The following FANCC variants were observed in gnomAD, a reference collection of about 807,000 sequenced individuals.
The protein encoded by FANCC is FA complementation group C.
A neutral mutation model predicts 71.3 loss-of-function variants in FANCC; 55 were observed. The observed-to-expected ratio is 0.77, with a 90% CI of 0.62 to 0.97. The LOEUF (loss-of-function observed/expected upper bound fraction) is 0.97, where lower values mean the gene tolerates loss of function less well. FANCC is among the 50% of genes least tolerant of loss of function. The pLI is 0.00. For synonymous variants in FANCC, 275 were observed against 244.9 expected, an observed-to-expected ratio of 1.12 and a Z score of -1.15; for missense variants, 678 against 670.9, an observed-to-expected ratio of 1.01 and a Z score of -0.12.
intron 4 of FANCC, among the ~76,000 whole-genome samples, chr9:95,228,228 C>A (rs745422277): frequency 6.6e-6 from 1 of 152,156 alleles, no homozygotes; most frequent in South Asian, 2.1e-4. Flanking sequence ...CAGGGGCATG[C>A]GGAGCATGAC....
At chr9:95,274,851 G>A (rs1347336211) in intron 1 of FANCC, among the ~76,000 whole-genome samples, 2 of 152,194 alleles carry the variant, frequency 1.3e-5, no homozygotes, top group Non-Finnish European at 2.9e-5. Context: ...GAAGGGAAAG[G>A]AGGAAAGGGA....
intron 4 of FANCC, among the ~76,000 whole-genome samples, chr9:95,234,064 C>G (rs1426220956): frequency 6.6e-6 from 1 of 152,162 alleles, no homozygotes; most frequent in East Asian, 1.9e-4. Flanking sequence ...AGATGGACAC[C>G]TGGCTTCAAA....
At chr9:95,136,291 TGGGA>T (rs1827687268) in intron 7 of FANCC, among the ~76,000 whole-genome samples, 1 of 151,946 alleles carries the variant, frequency 6.6e-6, no homozygotes, top group African/African-American at 2.4e-5. Context: ...CCCAGCTACT[TGGGA>T]GGCTGAGGCA....
intron 1 of FANCC, chr9:95,293,991 G>A: frequency 1.3e-6 from 2 of 1,590,948 alleles, no homozygotes; most frequent in Non-Finnish European, 8.6e-7. Context: ...CTCAGAATGA[G>A]CCTAAGACTT....
At chr9:95,247,309 T>C in intron 3 of FANCC, 123 bp downstream of exon 3, 1 of 749,304 alleles carries the variant, frequency 1.3e-6, no homozygotes, top group South Asian at 1.5e-5. Flanking sequence ...GAACAATGAA[T>C]ACATTTGATA....
chr9:95,281,205 C>T (rs1391330485), intron 1 of FANCC, among the ~76,000 whole-genome samples: 2 of 151,960 alleles, frequency 1.3e-5, no homozygotes, highest in Non-Finnish European at 1.5e-5. Flanking sequence ...CAAGGGCAAC[C>T]AGTCAGATTT....
At chr9:95,147,080 A>G (rs2135392704) in intron 7 of FANCC, among the ~76,000 whole-genome samples, 1 of 150,846 alleles carries the variant, frequency 6.6e-6, no homozygotes, top group African/African-American at 2.4e-5. Context: ...TATATTTTAG[A>G]TTATTATTTT....
At chr9:95,294,846 A>G in intron 1 of FANCC, 1 of 1,492,914 alleles carries the variant, frequency 6.7e-7, no homozygotes, top group Non-Finnish European at 8.9e-7. Flanking sequence ...GACGGCATCT[A>G]CCATTTCCTC....
At chr9:95,234,091 G>A (rs998776052) in intron 4 of FANCC, among the ~76,000 whole-genome samples, 8 of 152,224 alleles carry the variant, frequency 5.3e-5, no homozygotes, top group Non-Finnish European at 7.3e-5. Flanking sequence ...CTGCAAAGAA[G>A]TCAGAGATTA....
chr9:95,262,549 C>T (rs1006000526), intron 1 of FANCC, among the ~76,000 whole-genome samples: 6 of 152,104 alleles, frequency 3.9e-5, no homozygotes, highest in South Asian at 2.1e-4. Flanking sequence ...GCAGCTGCTA[C>T]GAAAAACAGT....
At chr9:95,277,225 T>A (rs1023709643) in intron 1 of FANCC, among the ~76,000 whole-genome samples, 1 of 152,260 alleles carries the variant, frequency 6.6e-6, no homozygotes, top group Admixed American at 6.5e-5. Context: ...ATTGAAAATC[T>A]GTCAGATTTG....
intron 4 of FANCC, among the ~76,000 whole-genome samples, chr9:95,234,927 CCTT>C (rs1465411317): frequency 8.5e-5 from 13 of 152,280 alleles, no homozygotes; most frequent in African/African-American, 3.1e-4. Flanking sequence ...GGAGCATCAG[CCTT>C]CTTTTCTAGT....
At chr9:95,137,105 G>A (rs1294300562) in intron 7 of FANCC, among the ~76,000 whole-genome samples, 1 of 152,300 alleles carries the variant, frequency 6.6e-6, no homozygotes, top group East Asian at 1.9e-4. Flanking sequence ...AAGTGGGGGC[G>A]TAAGCCTCCC....
At chr9:95,166,584 T>C (rs537295515) in intron 6 of FANCC, among the ~76,000 whole-genome samples, 1 of 152,318 alleles carries the variant, frequency 6.6e-6, no homozygotes, top group East Asian at 1.9e-4. Flanking sequence ...TTTACACTTT[T>C]ATCTTTTAAG....
intron 1 of FANCC, among the ~76,000 whole-genome samples, chr9:95,262,251 T>TCA (rs1479067128): frequency 6.6e-6 from 1 of 152,078 alleles, no homozygotes; most frequent in African/African-American, 2.4e-5. Flanking sequence ...TTCAAAAACT[T>TCA]CATGGAAAAT....
intron 1 of FANCC, among the ~76,000 whole-genome samples, chr9:95,291,128 G>C (rs191200669): frequency 2.8e-4 from 42 of 152,186 alleles, no homozygotes; most frequent in African/African-American, 7.9e-4. Context: ...ATACCGACTG[G>C]GGAAAAGTTA....
rs1228873579 is a variant in FANCC at position 95,117,357 on chromosome 9, T to C, written c.1030A>G (p.Thr344Ala). The C allele has an allele frequency of 1.9e-6, 3 of 1,613,778 alleles. No homozygotes were observed. Among genetic ancestry groups the C allele is most frequent in the Non-Finnish European group, 2.5e-6 (3 of 1,179,984 alleles). The change falls in exon 11 of 15, where the codon ACT becomes GCT. Residue 344 changes from threonine (T) to alanine (A), a missense_variant. Transcript: ENST00000289081. ...RFALKTYFPYTSPSLAMVLLQ... is the reference protein window; with the variant it reads ...RFALKTYFPYASPSLAMVLLQ... ...AGCACCATGGCAAGAGATGGAGAAG[T>C]GTAAGGAAAGTAGGTCTTGAGTGCA...
intron 10 of FANCC, among the ~76,000 whole-genome samples, chr9:95,119,463 T>G (rs2072699891): frequency 6.6e-6 from 1 of 151,548 alleles, no homozygotes. Flanking sequence ...CCTCCCAGGT[T>G]CAAGCGATTC....
intron 1 of FANCC, among the ~76,000 whole-genome samples, chr9:95,254,290 G>A (rs1266637559): frequency 1.3e-5 from 2 of 152,258 alleles, no homozygotes; most frequent in African/African-American, 2.4e-5. Context: ...AGGCTGGCAA[G>A]ATGGCCGAAT....
Sources: allele counts gnomAD v4.1 joint callset (sites outside exome capture counted in the v4.1 genomes callset), GRCh38; gene constraint gnomAD v4.1.1; transcripts MANE v1.5; gene names NCBI Gene and HGNC (gene_info 2026-07-23, HGNC 2026-07-21).